Variants in CCL28 observed in about 807,000 individuals in gnomAD.
The protein encoded by CCL28 is C-C motif chemokine ligand 28.
A neutral mutation model predicts 7.1 loss-of-function variants in CCL28; 4 were observed. The observed-to-expected ratio is 0.56, with a 90% CI of 0.28 to 1.29. CCL28 has a LOEUF of 1.29. CCL28 is among the 50% of genes most tolerant of loss of function. The pLI is 0.11. For synonymous variants in CCL28, 55 were observed against 57.8 expected (o/e 0.95, Z 0.22); for missense variants, 151 against 163.4 (o/e 0.92, Z 0.41).
At chr5:43,398,794 G>A (rs550973960) in intron 1 of CCL28, among the ~76,000 whole-genome samples, 69 of 152,200 alleles carry the variant, frequency 4.5e-4, no homozygotes, top group African/African-American at 1.6e-3. Context: ...AGGTTGCAGT[G>A]AGCCGAGATT....
downstream of CCL28, among the ~76,000 whole-genome samples, chr5:43,371,680 G>C (rs1739789312): frequency 6.6e-6 from 1 of 152,192 alleles, no homozygotes; most frequent in Non-Finnish European, 1.5e-5. Context: ...GCAACTTCAT[G>C]AGAGAGCCTG....
At chr5:43,402,976 A>G (rs1460671386) in intron 1 of CCL28, among the ~76,000 whole-genome samples, 1 of 152,224 alleles carries the variant, frequency 6.6e-6, no homozygotes, top group Non-Finnish European at 1.5e-5. Context: ...GGCGTCTGCC[A>G]TTGCTGAGGC....
At chr5:43,369,872 G>C in the CCL28 span, among the ~76,000 whole-genome samples, 5 of 152,198 alleles carry the variant, frequency 3.3e-5, no homozygotes, top group Admixed American at 1.3e-4. Context: ...AGACCTGGCA[G>C]CTTCCATGTT....
At chr5:43,409,435 C>T (rs775429809) in intron 1 of CCL28, among the ~76,000 whole-genome samples, 3 of 151,886 alleles carry the variant, frequency 2.0e-5, no homozygotes, top group Non-Finnish European at 2.9e-5. Context: ...TCTCCAAAAA[C>T]AAACAAACAA....
chr5:43,401,654 A>G (rs1028394793), intron 1 of CCL28, among the ~76,000 whole-genome samples: 2 of 152,176 alleles, frequency 1.3e-5, no homozygotes, highest in African/African-American at 4.8e-5. Flanking sequence ...GACAAACAAC[A>G]CTCAATAAAT....
At chr5:43,391,351 C>T (rs765516050) in intron 1 of CCL28, among the ~76,000 whole-genome samples, 7 of 152,140 alleles carry the variant, frequency 4.6e-5, no homozygotes, top group Non-Finnish European at 7.3e-5. Flanking sequence ...AGGAGGATGA[C>T]ATGAAAAGTA....
intron 1 of CCL28, among the ~76,000 whole-genome samples, chr5:43,402,324 C>T (rs1032152974): frequency 6.6e-6 from 1 of 151,966 alleles, no homozygotes; most frequent in African/African-American, 2.4e-5. Flanking sequence ...TTTCTGTCTC[C>T]TAATAGGACC....
chr5:43,395,782 G>C (rs1478770646), intron 1 of CCL28, among the ~76,000 whole-genome samples: 1 of 151,410 alleles, frequency 6.6e-6, no homozygotes, highest in Non-Finnish European at 1.5e-5. Context: ...AGGGTGGCTG[G>C]TTGCCCATTT....
chr5:43,388,392 C>G lies in CCL28; in HGVS notation c.149G>C (p.Arg50Pro). The G allele has an allele frequency of 6.2e-7, 1 of 1,614,068 alleles. No individual in the cohort carries two copies. Among genetic ancestry groups the G allele is most frequent in the Non-Finnish European group, 8.5e-7 (1 of 1,179,972 alleles). Residue 50 changes from arginine to proline, a missense_variant, in exon 2 of 3, where the codon CGC (arginine) becomes CCC (proline). Arg to Pro is a moderately radical substitution (Grantham distance 103). Transcript: ENST00000361115. Reference sequence around the variant, plus strand: ...ACAATCCCCATCAGCTCTCTGGATGCGACACATATTCACTCTTTCCAGGAG... The same window carrying G: ...ACAATCCCCATCAGCTCTCTGGATGGGACACATATTCACTCTTTCCAGGAG... ...RRLLERVNMC[R>P]IQRADGDCDL...
intron 1 of CCL28, among the ~76,000 whole-genome samples, chr5:43,405,846 C>A (rs1375770508): frequency 6.6e-6 from 1 of 152,074 alleles, no homozygotes; most frequent in Non-Finnish European, 1.5e-5. Flanking sequence ...ATACAAACTA[C>A]CATCAGAGAA....
the CCL28 span, among the ~76,000 whole-genome samples, chr5:43,358,314 G>C: frequency 6.6e-6 from 1 of 152,154 alleles, no homozygotes; most frequent in East Asian, 1.9e-4. Context: ...GCTGAACAGA[G>C]GAAATTGGCT....
At position 43,381,853 on chromosome 5, in the gene CCL28, A is replaced by G. The variant is rs755324847; in HGVS notation, c.*7T>C. On this transcript the variant is annotated 3_prime_UTR_variant, in exon 3 of 3. Coordinates refer to ENST00000361115, the MANE Select transcript of CCL28 (RefSeq NM_148672.3). ...GAATTGTCTCTGTAGATTTATCTGT[A>G]GACTCTCTAATAAGGAGTTTTATGG... 184 of 1,607,508 alleles carry G rather than the reference A, an allele frequency of 1.1e-4. No homozygotes were observed. Among genetic ancestry groups the G allele is most frequent in the Non-Finnish European group, 1.5e-4 (178 of 1,175,568 alleles).
At chr5:43,396,776 A>G (rs1169203162) in intron 1 of CCL28, among the ~76,000 whole-genome samples, 1 of 152,222 alleles carries the variant, frequency 6.6e-6, no homozygotes, top group East Asian at 1.9e-4. Flanking sequence ...AAAGAAAGAA[A>G]GAACGAAAAA....
chr5:43,395,205 ATATATATTTACATATATATT>A (rs1295055168), intron 1 of CCL28, among the ~76,000 whole-genome samples: 1 of 148,534 alleles, frequency 6.7e-6, no homozygotes, highest in Non-Finnish European at 1.5e-5. Flanking sequence ...TATATAATAT[ATATATATTTACATATATATT>A]TATATATTTA....
At chr5:43,374,998 T>C (rs982026487), downstream of CCL28, among the ~76,000 whole-genome samples, 8 of 152,040 alleles carry the variant, frequency 5.3e-5, no homozygotes, top group Admixed American at 1.3e-4. Context: ...CTTTTTCTTT[T>C]CTTTTTTTTG....
At chr5:43,366,247 T>C in the CCL28 span, among the ~76,000 whole-genome samples, 8 of 152,326 alleles carry the variant, frequency 5.3e-5, no homozygotes, top group East Asian at 1.5e-3. Context: ...AAGAGGCATT[T>C]TGGTTTTTGG....
chr5:43,365,066 G>A, the CCL28 span, among the ~76,000 whole-genome samples: 504 of 148,616 alleles, frequency 3.4e-3, 3 homozygotes, highest in Non-Finnish European at 5.5e-3. Flanking sequence ...GTACAGTGGC[G>A]TGATCTTGGC....
intron 2 of CCL28, among the ~76,000 whole-genome samples, chr5:43,386,658 T>G (rs1740347421): frequency 6.6e-6 from 1 of 152,226 alleles, no homozygotes; most frequent in Admixed American, 6.5e-5. Flanking sequence ...CACAGGTTCA[T>G]ACACAAAAAT....
At chr5:43,409,131 A>G (rs569424089) in intron 1 of CCL28, among the ~76,000 whole-genome samples, 1 of 152,200 alleles carries the variant, frequency 6.6e-6, no homozygotes, top group East Asian at 1.9e-4. Context: ...AATTTTTTTA[A>G]TTAGCCAGGT....
Sources: allele counts gnomAD v4.1 joint callset (sites outside exome capture counted in the v4.1 genomes callset), GRCh38; gene constraint gnomAD v4.1.1; transcripts MANE v1.5; gene names NCBI Gene and HGNC (gene_info 2026-07-23, HGNC 2026-07-21).